Variants in ARID2 observed in about 807,000 individuals in gnomAD.
ARID2 encodes the protein AT-rich interaction domain 2, also known as AT-rich interactive domain-containing protein 2.
ARID2 carries 32 observed loss-of-function variants against 184.6 expected under a neutral mutation model. That is an observed-to-expected ratio of 0.17 (90% confidence interval 0.13 to 0.23). The LOEUF is 0.23. Among genes scored for constraint, ARID2 ranks in the 10% least tolerant of loss-of-function variants. The pLI is 1.00. For missense variants in ARID2, 1,696 were observed against 2,197.6 expected (o/e 0.77, Z 4.56); for synonymous variants, 836 against 772.6 (o/e 1.08, Z -1.36).
chr12:45,756,848 G>C (rs570966127), intron 3 of ARID2, among the ~76,000 whole-genome samples: 2 of 152,156 alleles, frequency 1.3e-5, no homozygotes, highest in Non-Finnish European at 2.9e-5. Context: ...GCAGTAAGCT[G>C]GCATAGTGCC....
chr12:45,893,351 G>A (rs981108997), intron 18 of ARID2, 69 bp from the exon 19 acceptor site: 8 of 1,520,148 alleles, frequency 5.3e-6, no homozygotes, highest in Non-Finnish European at 6.2e-6. Context: ...TGGCAGGGTG[G>A]TCATAGTTGT....
intron 3 of ARID2, among the ~76,000 whole-genome samples, chr12:45,770,192 G>A (rs547611073): frequency 4.6e-5 from 7 of 152,108 alleles, no homozygotes; most frequent in East Asian, 1.9e-4. Context: ...GGCAGAGATT[G>A]CAGTGAGCCG....
At chr12:45,763,229 G>A (rs1041114476) in intron 3 of ARID2, among the ~76,000 whole-genome samples, 1 of 152,210 alleles carries the variant, frequency 6.6e-6, no homozygotes, top group African/African-American at 2.4e-5. Flanking sequence ...CCAGCACTTT[G>A]GGAGGCCAAG....
chr12:45,751,184 T>C (rs778884167), intron 3 of ARID2, among the ~76,000 whole-genome samples: 5 of 152,174 alleles, frequency 3.3e-5, no homozygotes, highest in Non-Finnish European at 7.4e-5. Context: ...GTTAAATCGT[T>C]AGACAAACTG....
intron 20 of ARID2, among the ~76,000 whole-genome samples, chr12:45,902,562 C>T (rs1194961110): frequency 2.0e-5 from 3 of 149,118 alleles, no homozygotes; most frequent in East Asian, 2.0e-4. Context: ...GATGGAGTCT[C>T]GCTCTGTTGC....
chr12:45,849,061 T>TTTAAATA (rs1943493301), intron 13 of ARID2, 91 bp downstream of exon 13: 2 of 1,400,932 alleles, frequency 1.4e-6, no homozygotes, highest in African/African-American at 1.4e-5. Context: ...CTTATCTAGT[T>TTTAAATA]TTAAATATTT....
intron 16 of ARID2, among the ~76,000 whole-genome samples, chr12:45,862,731 AG>A (rs1420708080): frequency 7.9e-5 from 12 of 152,344 alleles, no homozygotes; most frequent in African/African-American, 2.9e-4. Flanking sequence ...TGAAGTGTTT[AG>A]GTTACTTCAA....
intron 16 of ARID2, among the ~76,000 whole-genome samples, chr12:45,877,436 C>A (rs1944027618): frequency 6.6e-6 from 1 of 152,002 alleles, no homozygotes; most frequent in Admixed American, 6.5e-5. Context: ...TCCCATCACC[C>A]CCAGATGGGA....
At chr12:45,841,587 A>G (rs1017255685) in intron 11 of ARID2, 4 of 152,210 alleles carry the variant, frequency 2.6e-5, no homozygotes, top group African/African-American at 9.6e-5. Context: ...AAACTTTTAT[A>G]ACCTTTTACC....
At chr12:45,899,738 G>GTTATATATATATGT (rs1944430276) in intron 20 of ARID2, among the ~76,000 whole-genome samples, 1 of 111,060 alleles carries the variant, frequency 9.0e-6, no homozygotes, top group African/African-American at 3.2e-5. Flanking sequence ...TATATATATG[G>GTTATATATATATGT]TTTTATATAT....
intron 3 of ARID2, among the ~76,000 whole-genome samples, chr12:45,777,543 C>T (rs142964266): frequency 1.3e-5 from 2 of 152,064 alleles, no homozygotes; most frequent in East Asian, 3.9e-4. Flanking sequence ...TATTGAGATA[C>T]TTCAACTGGT....
intron 3 of ARID2, among the ~76,000 whole-genome samples, chr12:45,801,939 A>T (rs1942510653): frequency 6.6e-6 from 1 of 152,254 alleles, no homozygotes; most frequent in African/African-American, 2.4e-5. Flanking sequence ...AATCTGTATC[A>T]GTATAAAAGT....
Position 45,815,369 on chromosome 12 carries a change from T to A in ARID2, c.419-2301T>A, listed in dbSNP as rs148084503. The stretch of plus-strand genomic sequence containing the variant: ...TATAAGGATTATCAAAAATGAACAA[T>A]ATATTCTTATTGTCAAGCTTTAAAT... On this transcript the variant is annotated intron_variant, in intron 4 of 20. Coordinates refer to ENST00000334344, the MANE Select transcript of ARID2 (RefSeq NM_152641.4). Among the ~76,000 whole-genome samples the A allele has an allele frequency of 7.3e-4, 111 of 152,306 alleles. 1 individual carries two copies. In the East Asian group the frequency reaches 0.01, roughly 14 times the overall value.
intron 16 of ARID2, among the ~76,000 whole-genome samples, chr12:45,885,202 G>C (rs1246798562): frequency 2.0e-5 from 3 of 151,566 alleles, no homozygotes; most frequent in Non-Finnish European, 4.4e-5. Context: ...ATATAATAAT[G>C]CTTGCCCTTG....
chr12:45,860,713 C>A, intron 15 of ARID2, 88 bp from the exon 16 acceptor site: 1 of 1,124,166 alleles, frequency 8.9e-7, no homozygotes, highest in Non-Finnish European at 1.1e-6. Flanking sequence ...AAATGTATAA[C>A]AACATAATCA....
At chr12:45,737,422 CT>C (rs1273874071) in intron 3 of ARID2, among the ~76,000 whole-genome samples, 1 of 151,326 alleles carries the variant, frequency 6.6e-6, no homozygotes, top group East Asian at 1.9e-4. Context: ...TTTAGACTGT[CT>C]TAAATTCTGG....
chr12:45,757,263 A>C (rs1395082824), intron 3 of ARID2, among the ~76,000 whole-genome samples: 1 of 152,190 alleles, frequency 6.6e-6, no homozygotes. Context: ...AAAACAGTTA[A>C]ACATCGTTCT....
rs1044608814 is a variant in ARID2 at position 45,852,139 on chromosome 12, A to G, written c.4016A>G (p.Gln1339Arg). ...ELGENGASGKQNSEQIDMQDI... is the reference protein window; with the variant it reads ...ELGENGASGKRNSEQIDMQDI... ...GGTGAGAATGGAGCATCTGGGAAACAGAACTCAGAACAAATAGACATGCAA... is the reference window on the plus strand; with the variant it reads ...GGTGAGAATGGAGCATCTGGGAAACGGAACTCAGAACAAATAGACATGCAA... Residue 1339 changes from glutamine (Q) to arginine (R), a missense_variant, in exon 15 of 21, where the codon CAG becomes CGG. By Grantham distance (43) the Gln-to-Arg change is conservative. Coordinates refer to ENST00000334344, the MANE Select transcript of ARID2 (RefSeq NM_152641.4). The G allele has an allele frequency of 6.2e-7, 1 of 1,614,174 alleles. No individual in the cohort carries two copies. The highest frequency in any genetic ancestry group is 8.5e-7 in the Non-Finnish European group (1 of 1,180,012).
intron 3 of ARID2, among the ~76,000 whole-genome samples, chr12:45,770,857 G>T (rs1279386564): frequency 6.6e-6 from 1 of 152,118 alleles, no homozygotes; most frequent in Non-Finnish European, 1.5e-5. Flanking sequence ...GGGAAGACAG[G>T]TTCTCAATCC....
Sources: gnomAD v4.1 joint callset for allele counts (sites outside exome capture counted in the v4.1 genomes callset) on GRCh38, gnomAD v4.1.1 for gene constraint, MANE v1.5 for transcripts, NCBI Gene and HGNC (gene_info 2026-07-23, HGNC 2026-07-21) for gene names.